Variants in PTPRZ1 observed in about 807,000 individuals in gnomAD.
PTPRZ1 encodes protein tyrosine phosphatase receptor type Z1.
In PTPRZ1, 82 loss-of-function variants were observed where a neutral mutation model predicts 214.1. That is an observed-to-expected ratio of 0.38 (90% confidence interval 0.32 to 0.46). The LOEUF (loss-of-function observed/expected upper bound fraction) is 0.46, where lower values mean the gene tolerates loss of function less well. Among genes scored for constraint, PTPRZ1 ranks in the 20% least tolerant of loss-of-function variants. PTPRZ1 has a pLI of 1.00. For missense variants in PTPRZ1, 2,603 were observed against 2,748.7 expected, an observed-to-expected ratio of 0.95 and a Z score of 1.19; for synonymous variants, 945 against 987.9, an observed-to-expected ratio of 0.96 and a Z score of 0.81.
intron 21 of PTPRZ1, 24 bp from the exon 22 acceptor site, chr7:122,042,584 T>C (rs1562878584): frequency 6.4e-7 from 1 of 1,558,600 alleles, no homozygotes; most frequent in East Asian, 2.3e-5. Flanking sequence ...CATTGAAATA[T>C]TTATTTCTTG....
At chr7:121,905,475 T>C (rs117090194) in intron 1 of PTPRZ1, among the ~76,000 whole-genome samples, 2,939 of 152,280 alleles carry the variant, frequency 0.019, 49 homozygotes, top group Non-Finnish European at 0.031. Flanking sequence ...CATGCAGATA[T>C]GAAATTGGAG....
At chr7:121,949,341 T>G (rs1205277836) in intron 2 of PTPRZ1, among the ~76,000 whole-genome samples, 1 of 152,152 alleles carries the variant, frequency 6.6e-6, no homozygotes, top group African/African-American at 2.4e-5. Flanking sequence ...CCCTTTAGTT[T>G]AGTGATTTGG....
At chr7:121,972,050 T>C (rs1023790283) in intron 3 of PTPRZ1, among the ~76,000 whole-genome samples, 2 of 152,176 alleles carry the variant, frequency 1.3e-5, no homozygotes, top group African/African-American at 4.8e-5. Context: ...ACCCAGGTTC[T>C]GGACCTTGCT....
intron 22 of PTPRZ1, 54 bp downstream of exon 22, chr7:122,042,797 A>C: frequency 2.6e-6 from 4 of 1,550,320 alleles, no homozygotes; most frequent in Non-Finnish European, 3.5e-6. Context: ...AATGTCACTA[A>C]AATGTAGGTG....
At chr7:121,959,235 A>G (rs1796803986) in intron 2 of PTPRZ1, among the ~76,000 whole-genome samples, 3 of 152,234 alleles carry the variant, frequency 2.0e-5, no homozygotes, top group Non-Finnish European at 4.4e-5. Context: ...CCAATAGCAT[A>G]TATCAGCCAG....
intron 6 of PTPRZ1, 43 bp from the exon 7 acceptor site, chr7:121,983,622 C>T: frequency 6.5e-7 from 1 of 1,544,384 alleles, no homozygotes; most frequent in Non-Finnish European, 8.8e-7. Context: ...AGCTAAGTTC[C>T]AGTGTTGAGA....
chr7:121,903,999 C>CACACACACACAT (rs1795047450), intron 1 of PTPRZ1, among the ~76,000 whole-genome samples: 1 of 151,242 alleles, frequency 6.6e-6, no homozygotes, highest in Non-Finnish European at 1.5e-5. Flanking sequence ...CACACACACA[C>CACACACACACAT]AATAGTAGGT....
At chr7:121,995,372 TC>T (rs1798101432) in intron 8 of PTPRZ1, among the ~76,000 whole-genome samples, 2 of 152,184 alleles carry the variant, frequency 1.3e-5, no homozygotes, top group South Asian at 4.1e-4. Context: ...GAGAGATCTT[TC>T]TCTCCCTCTG....
intron 1 of PTPRZ1, among the ~76,000 whole-genome samples, chr7:121,875,094 A>G (rs1794012466): frequency 6.6e-6 from 1 of 152,140 alleles, no homozygotes; most frequent in African/African-American, 2.4e-5. Flanking sequence ...TCTTTTTAAA[A>G]TGGTCCAGTG....
chr7:121,893,111 C>T (rs1794688529), intron 1 of PTPRZ1, among the ~76,000 whole-genome samples: 1 of 151,782 alleles, frequency 6.6e-6, no homozygotes, highest in South Asian at 2.1e-4. Flanking sequence ...GAGAGGTGTA[C>T]ATTTTTAACA....
At position 122,010,324 on chromosome 7, in the gene PTPRZ1, C is replaced by A; in HGVS notation, c.1288-10C>A. 6.3e-7 allele frequency: 1 copy of A among 1,583,668 alleles called. No individual in the cohort carries two copies. On this transcript the variant is annotated splice_polypyrimidine_tract_variant and intron_variant, in intron 11 of 29. Coordinates refer to ENST00000393386, the MANE Select transcript of PTPRZ1 (RefSeq NM_002851.3). ...CTTATGACTCATTAAATCTTGTTTG[C>A]TTTTCAAAGGAGGAGGAAGAGGGAA...
chr7:121,949,095 A>G (rs1796474133), intron 2 of PTPRZ1, among the ~76,000 whole-genome samples: 1 of 152,070 alleles, frequency 6.6e-6, no homozygotes, highest in Non-Finnish European at 1.5e-5. Flanking sequence ...CACAAGATGA[A>G]CATTGGTTCT....
chr7:121,905,127 G>A (rs969765787), intron 1 of PTPRZ1, among the ~76,000 whole-genome samples: 1 of 152,166 alleles, frequency 6.6e-6, no homozygotes, highest in African/African-American at 2.4e-5. Flanking sequence ...AGAAACTATA[G>A]ATAATTTGAT....
At chr7:121,961,046 G>C (rs541067907) in intron 2 of PTPRZ1, among the ~76,000 whole-genome samples, 3 of 152,032 alleles carry the variant, frequency 2.0e-5, no homozygotes, top group Non-Finnish European at 2.9e-5. Context: ...ATAAATAAGA[G>C]ACAGACATAT....
intron 2 of PTPRZ1, among the ~76,000 whole-genome samples, chr7:121,952,059 C>A (rs1455784745): frequency 6.6e-6 from 1 of 151,722 alleles, no homozygotes. Flanking sequence ...CCCGGGTTCA[C>A]GCCATTCTCC....
chr7:122,035,341 C>T (rs188536810), intron 17 of PTPRZ1, among the ~76,000 whole-genome samples: 19 of 152,230 alleles, frequency 1.2e-4, no homozygotes, highest in Admixed American at 1.2e-3. Flanking sequence ...TTATGTTTGT[C>T]TTCCTGAACT....
At chr7:121,994,706 T>C (rs1024717396) in intron 8 of PTPRZ1, among the ~76,000 whole-genome samples, 4 of 152,204 alleles carry the variant, frequency 2.6e-5, no homozygotes, top group Non-Finnish European at 5.9e-5. Flanking sequence ...GATAGAAACG[T>C]GAATAGCTCA....
At chr7:122,015,388 A>AT (rs1392800138) in intron 12 of PTPRZ1, among the ~76,000 whole-genome samples, 1 of 152,022 alleles carries the variant, frequency 6.6e-6, no homozygotes, top group Admixed American at 6.6e-5. Flanking sequence ...TTAGTTGTAT[A>AT]TTTTTTCTTC....
chr7:121,889,499 A>G (rs936942764), intron 1 of PTPRZ1, among the ~76,000 whole-genome samples: 3 of 152,170 alleles, frequency 2.0e-5, no homozygotes, highest in African/African-American at 7.2e-5. Flanking sequence ...TTTTATTTCA[A>G]ATTACTAGCT....
Sources: allele counts gnomAD v4.1 joint callset (sites outside exome capture counted in the v4.1 genomes callset), GRCh38; gene constraint gnomAD v4.1.1; transcripts MANE v1.5; gene names NCBI Gene and HGNC (gene_info 2026-07-23, HGNC 2026-07-21).